NEURL1B: variants seen among roughly 807,000 people sequenced by gnomAD.
NEURL1B encodes the protein E3 ubiquitin-protein ligase NEURL1B.
In NEURL1B, 13 loss-of-function variants were observed where a neutral mutation model predicts 37.4. The ratio of observed to expected loss-of-function variants is 0.35; its 90% CI spans 0.23 to 0.55. The LOEUF (loss-of-function observed/expected upper bound fraction) is 0.55, where lower values mean the gene tolerates loss of function less well. Among genes scored for constraint, NEURL1B ranks in the 20% least tolerant of loss-of-function variants. NEURL1B has a pLI of 0.89. For synonymous variants in NEURL1B, 432 were observed against 426.6 expected, an observed-to-expected ratio of 1.01 and a Z score of -0.16; for missense variants, 790 against 879.2, an observed-to-expected ratio of 0.90 and a Z score of 1.28.
At position 172,665,854 on chromosome 5, in the gene NEURL1B, T is replaced by C. The variant is rs1758000939; in HGVS notation, c.32-3931T>C. Among the ~76,000 whole-genome samples, 1 of 152,190 alleles carries C rather than the reference T, an allele frequency of 6.6e-6. No individual in the cohort carries two copies. On this transcript the variant is annotated intron_variant, in intron 1 of 4. Coordinates refer to ENST00000369800, the MANE Select transcript of NEURL1B (RefSeq NM_001142651.3). This position sits in a 1 kb window ranked among gnomAD's most constrained non-coding sequence, Gnocchi z 4.1. ...GTCCCCCCGGTGCCATCGCCTGAGA[T>C]GGTCTTTATCACGCCTGTTGTCGTT...
chr5:172,658,712 A>G (rs944869503), intron 1 of NEURL1B, among the ~76,000 whole-genome samples: 2 of 151,966 alleles, frequency 1.3e-5, no homozygotes, highest in Non-Finnish European at 2.9e-5. Flanking sequence ...AGCTCACCCA[A>G]TCTCTCAGAG....
At position 172,689,155 on chromosome 5, in the gene NEURL1B, A is replaced by C. The variant is rs917872023; in HGVS notation, c.*2230A>C. The C allele has an allele frequency of 2.0e-5, 3 of 152,226 alleles. No homozygotes were observed. Among genetic ancestry groups the C allele is most frequent in the Admixed American group, 6.5e-5 (1 of 15,284 alleles). The allele number at this position is 152,226 out of a possible 1,614,324, so 9.4% of individuals were successfully genotyped here. On this transcript the variant is annotated 3_prime_UTR_variant, in exon 5 of 5. Transcript: ENST00000369800. ...AACCTGCTCTGCAGCTGCTATAAAT[A>C]GCCTCCCTGTTTCCAAGAGGAGGTA...
chr5:172,659,818 G>C (rs1757861668), intron 1 of NEURL1B, among the ~76,000 whole-genome samples: 1 of 152,066 alleles, frequency 6.6e-6, no homozygotes, highest in East Asian at 1.9e-4. Context: ...GGCCTTTGCT[G>C]GTGCTGTTCC....
intron 1 of NEURL1B, among the ~76,000 whole-genome samples, chr5:172,656,904 C>A (rs560739814): frequency 4.1e-4 from 63 of 152,302 alleles, no homozygotes; most frequent in African/African-American, 1.5e-3. Flanking sequence ...ATAGGAGATT[C>A]TAGGTGAAGT....
chr5:172,666,163 T>C (rs190052189), intron 1 of NEURL1B, among the ~76,000 whole-genome samples: 24 of 149,498 alleles, frequency 1.6e-4, no homozygotes, highest in Admixed American at 1.1e-3. Context: ...TATGGTAAAA[T>C]GGTAAAAAAC....
At chr5:172,685,735 G>T (rs773202052) in intron 3 of NEURL1B, among the ~76,000 whole-genome samples, 19 of 152,190 alleles carry the variant, frequency 1.2e-4, no homozygotes, top group African/African-American at 4.3e-4. Flanking sequence ...CTTTGCCACG[G>T]GTTGGCTCTT....
At chr5:172,685,548 G>A (rs1222814808) in intron 3 of NEURL1B, among the ~76,000 whole-genome samples, 16 of 152,172 alleles carry the variant, frequency 1.1e-4, no homozygotes, top group South Asian at 2.1e-4. Flanking sequence ...GGATCTTCTC[G>A]CAAGGGGCAA....
intron 1 of NEURL1B, among the ~76,000 whole-genome samples, chr5:172,648,435 A>T (rs1338269306): frequency 6.6e-6 from 1 of 152,250 alleles, no homozygotes; most frequent in African/African-American, 2.4e-5. Context: ...CGTCTGTGCC[A>T]GACAGTGTTC....
chr5:172,642,806 G>C (rs1300950819), intron 1 of NEURL1B, among the ~76,000 whole-genome samples: 4 of 152,230 alleles, frequency 2.6e-5, no homozygotes, highest in African/African-American at 9.6e-5. Flanking sequence ...TCTGCTTACT[G>C]GAGGGTGGCC....
At chr5:172,680,931 T>A (rs1192496088) in intron 2 of NEURL1B, among the ~76,000 whole-genome samples, 1 of 152,222 alleles carries the variant, frequency 6.6e-6, no homozygotes, top group Non-Finnish European at 1.5e-5. Context: ...GACTGGATAA[T>A]TTGTAAAAGA....
intron 1 of NEURL1B, among the ~76,000 whole-genome samples, chr5:172,658,027 A>G (rs927638166): frequency 6.6e-6 from 1 of 152,174 alleles, no homozygotes; most frequent in African/African-American, 2.4e-5. Flanking sequence ...CCCCCTGTCC[A>G]GTGATCACGT....
intron 1 of NEURL1B, among the ~76,000 whole-genome samples, chr5:172,648,137 G>A (rs560204735): frequency 7.2e-5 from 11 of 152,202 alleles, no homozygotes; most frequent in Non-Finnish European, 1.2e-4. Flanking sequence ...CTTCCTTCTC[G>A]GGTCTGAGTC....
At position 172,661,930 on chromosome 5, in the gene NEURL1B, G is replaced by A. The variant is rs1384139075; in HGVS notation, c.32-7855G>A. ...TGGCATAGTTTAAAAATAGGCTTCTGTCCTTGGACACCAAGGGGAAGCAAC... is the reference window on the plus strand; with the variant it reads ...TGGCATAGTTTAAAAATAGGCTTCTATCCTTGGACACCAAGGGGAAGCAAC... On this transcript the variant is annotated intron_variant, in intron 1 of 4. Coordinates refer to ENST00000369800, the MANE Select transcript of NEURL1B (RefSeq NM_001142651.3). The surrounding 1 kb of genome is among the most constrained non-coding windows in gnomAD (Gnocchi z 4.0). 2.0e-5 allele frequency among the ~76,000 whole-genome samples: 3 copies of A among 152,242 alleles called. No individual in the cohort carries two copies. The East Asian group carries it at 5.8e-4, about 29-fold the overall frequency.
chr5:172,667,564 G>A (rs1758040027), intron 1 of NEURL1B, among the ~76,000 whole-genome samples: 1 of 152,016 alleles, frequency 6.6e-6, no homozygotes, highest in South Asian at 2.1e-4. Context: ...AAAAATGAAT[G>A]AAAACCTTCA....
At chr5:172,684,232 G>T (rs1203213235) in intron 3 of NEURL1B, 94 bp downstream of exon 3, 10 of 1,016,030 alleles carry the variant, frequency 9.8e-6, no homozygotes, top group South Asian at 4.9e-5. Context: ...CGCCCCTCTC[G>T]CTAGGCGCTG....
At chr5:172,651,683 G>T (rs184983888) in intron 1 of NEURL1B, among the ~76,000 whole-genome samples, 1 of 152,168 alleles carries the variant, frequency 6.6e-6, no homozygotes, top group Non-Finnish European at 1.5e-5. Context: ...CATCTCCAGC[G>T]TAGTTAATAA....
intron 1 of NEURL1B, among the ~76,000 whole-genome samples, chr5:172,667,970 T>C (rs772921995): frequency 1.1e-4 from 17 of 151,448 alleles, no homozygotes; most frequent in Middle Eastern, 6.8e-3. Flanking sequence ...CTGTACCTCC[T>C]ACCTGGAATG....
Position 172,647,564 on chromosome 5 carries a change from C to A in NEURL1B, c.31+6127C>A, listed in dbSNP as rs1757582418. Among the ~76,000 whole-genome samples the A allele has an allele frequency of 6.6e-6, 1 of 152,092 alleles. No homozygotes were observed. Among genetic ancestry groups the A allele is most frequent in the Admixed American group, 6.5e-5 (1 of 15,278 alleles). ...TGCACCCTGGGGCCTCTTGCGGCTC[C>A]TCTTGCTGACTTGCTGCTGCCCCTT... On this transcript the variant is annotated intron_variant, in intron 1 of 4. Transcript: ENST00000369800. The surrounding 1 kb of genome is among the most constrained non-coding windows in gnomAD (Gnocchi z 4.2).
At chr5:172,650,824 C>T (rs754888940) in intron 1 of NEURL1B, among the ~76,000 whole-genome samples, 6 of 152,262 alleles carry the variant, frequency 3.9e-5, no homozygotes, top group Admixed American at 2.0e-4. Flanking sequence ...AGGATTAGAC[C>T]GCACAGGCTA....
Sources: gnomAD v4.1 joint callset for allele counts (sites outside exome capture counted in the v4.1 genomes callset) on GRCh38, gnomAD v4.1.1 for gene constraint, Gnocchi (gnomAD v3.1) non-coding constraint, MANE v1.5 for transcripts, NCBI Gene and HGNC (gene_info 2026-07-23, HGNC 2026-07-21) for gene names.